PLCL1: variants seen among roughly 807,000 people sequenced by gnomAD.
The protein encoded by PLCL1 is phospholipase C like 1 (inactive).
Under a neutral mutation model 84.4 loss-of-function variants are expected in PLCL1, and 41 were observed. The ratio of observed to expected loss-of-function variants is 0.49; its 90% CI spans 0.38 to 0.63. The LOEUF (loss-of-function observed/expected upper bound fraction) is 0.63, where lower values mean the gene tolerates loss of function less well. Ranked by LOEUF, PLCL1 falls within the 30% of genes least tolerant of loss-of-function variation. The pLI, the probability that PLCL1 is intolerant of heterozygous loss-of-function variation, is 0.00. For missense variants in PLCL1, 1,206 were observed against 1,367.8 expected (o/e 0.88, Z 1.87); for synonymous variants, 490 against 488.3 (o/e 1.00, Z -0.05).
rs1249188341 is a variant in PLCL1 at position 198,063,226 on chromosome 2, T to A, written c.241-20532T>A. Among the ~76,000 whole-genome samples, 3 of 150,320 alleles carry A rather than the reference T, an allele frequency of 2.0e-5. No individual in the cohort carries two copies. The East Asian group carries it at 5.8e-4, about 29-fold the overall frequency. On this transcript the variant is annotated intron_variant, in intron 1 of 5. Transcript: ENST00000428675. ...ATCCTTAAATAAATTTATACACTCA[T>A]ACATATATATTATGCTTGGGTTTAA...
At chr2:197,917,996 A>G (rs1688628402) in intron 1 of PLCL1, among the ~76,000 whole-genome samples, 1 of 152,330 alleles carries the variant, frequency 6.6e-6, no homozygotes, top group South Asian at 2.1e-4. Context: ...TAAAGAGTAC[A>G]GTGTGGAAAG....
At chr2:197,891,491 C>T (rs989412182) in intron 1 of PLCL1, among the ~76,000 whole-genome samples, 4 of 151,456 alleles carry the variant, frequency 2.6e-5, no homozygotes, top group Admixed American at 1.3e-4. Flanking sequence ...AGACATTGGG[C>T]GTGTGAAGGG....
intron 2 of PLCL1, 82 bp from the exon 3 acceptor site, chr2:198,088,776 T>G: frequency 1.2e-6 from 1 of 824,068 alleles, no homozygotes; most frequent in Middle Eastern, 3.0e-4. Context: ...TAAAAATGAA[T>G]GTACTTTTCT....
At chr2:198,000,739 C>CCT (rs574871031) in intron 1 of PLCL1, among the ~76,000 whole-genome samples, 1 of 145,320 alleles carries the variant, frequency 6.9e-6, no homozygotes, top group Admixed American at 6.9e-5. Context: ...CTTTATTTCC[C>CCT]TTTTTTTTTT....
At position 197,834,923 on chromosome 2, in the gene PLCL1, G is replaced by T. The variant is rs182034644; in HGVS notation, c.240+29584G>T. 5.6e-4 allele frequency among the ~76,000 whole-genome samples: 86 copies of T among 152,328 alleles called. 1 individual carries two copies. The highest frequency in any genetic ancestry group is 3.4e-3 in the Middle Eastern group (1 of 294). On this transcript the variant is annotated intron_variant, in intron 1 of 5. Transcript: ENST00000428675. ...CCAAATGTCCATCAATGATAGACTG[G>T]ATCAAGAAAATGTGGCACATGTATA...
chr2:197,863,740 C>T (rs1162335670), intron 1 of PLCL1, among the ~76,000 whole-genome samples: 1 of 152,094 alleles, frequency 6.6e-6, no homozygotes, highest in Non-Finnish European at 1.5e-5. Flanking sequence ...CATTGTGAGA[C>T]CAGGCAGAAT....
chr2:197,962,665 G>A (rs919002884), intron 1 of PLCL1, among the ~76,000 whole-genome samples: 2 of 151,796 alleles, frequency 1.3e-5, no homozygotes, highest in African/African-American at 2.4e-5. Context: ...GCACTCTTTT[G>A]TGCTATCAAA....
At chr2:198,000,591 T>C (rs762799250) in intron 1 of PLCL1, among the ~76,000 whole-genome samples, 6 of 152,208 alleles carry the variant, frequency 3.9e-5, no homozygotes, top group Non-Finnish European at 7.3e-5. Context: ...GTGGGCCTAC[T>C]ATATTATACT....
At chr2:198,024,957 C>A (rs765609908) in intron 1 of PLCL1, among the ~76,000 whole-genome samples, 10 of 151,858 alleles carry the variant, frequency 6.6e-5, no homozygotes, top group Non-Finnish European at 1.3e-4. Context: ...CTCTGTGGTT[C>A]TTTTTTTCCT....
chr2:198,060,803 T>C (rs1692178797), intron 1 of PLCL1, among the ~76,000 whole-genome samples: 1 of 152,196 alleles, frequency 6.6e-6, no homozygotes, highest in Admixed American at 6.5e-5. Flanking sequence ...AAAATAGTGG[T>C]AGATGTCATC....
At position 197,961,128 on chromosome 2, in the gene PLCL1, C is replaced by A. The variant is rs148032635; in HGVS notation, c.241-122630C>A. Among the ~76,000 whole-genome samples, 410 of 151,994 alleles carry A rather than the reference C, an allele frequency of 2.7e-3. 3 individuals carry two copies. Among genetic ancestry groups the A allele is most frequent in the African/African-American group, 9.4e-3 (390 of 41,492 alleles). On this transcript the variant is annotated intron_variant, in intron 1 of 5. Transcript: ENST00000428675. ...GCCATATTCCATTTCAGTAGAAATG[C>A]TTTTCCCTTTCCCATAGTGTGTATT...
chr2:198,039,000 G>C (rs954493530), intron 1 of PLCL1, among the ~76,000 whole-genome samples: 1 of 152,048 alleles, frequency 6.6e-6, no homozygotes, highest in Non-Finnish European at 1.5e-5. Context: ...GTGCAATATT[G>C]CTTTTTTGAA....
chr2:197,923,110 C>T lies in PLCL1; in HGVS notation c.240+117771C>T, dbSNP rs867607697. On this transcript the variant is annotated intron_variant, in intron 1 of 5. Transcript: ENST00000428675. ...CCCCCCACCTCCCTACCGGACGGGGCGGCTGGCCAGGCTGAGGGGCTCCTC... is the reference window on the plus strand; with the variant it reads ...CCCCCCACCTCCCTACCGGACGGGGTGGCTGGCCAGGCTGAGGGGCTCCTC... Among the ~76,000 whole-genome samples the T allele has an allele frequency of 2.1e-3, 274 of 129,256 alleles. 3 individuals are homozygous for T. Among genetic ancestry groups the T allele is most frequent in the African/African-American group, 7.4e-3 (249 of 33,696 alleles). 84.8% of individuals were successfully genotyped at this position (129,256 alleles called of 152,430 possible).
chr2:197,841,735 G>C (rs1687007321), intron 1 of PLCL1, among the ~76,000 whole-genome samples: 1 of 152,204 alleles, frequency 6.6e-6, no homozygotes, highest in Admixed American at 6.5e-5. Context: ...ATATCAAGAA[G>C]TATAATTGCT....
At chr2:197,931,167 A>G (rs1043492711) in intron 1 of PLCL1, among the ~76,000 whole-genome samples, 1 of 152,178 alleles carries the variant, frequency 6.6e-6, no homozygotes, top group Admixed American at 6.6e-5. Context: ...GGTGTCTCGG[A>G]AGGGAAGATA....
intron 1 of PLCL1, among the ~76,000 whole-genome samples, chr2:198,025,255 T>A (rs886597881): frequency 6.6e-6 from 1 of 152,090 alleles, no homozygotes; most frequent in East Asian, 1.9e-4. Context: ...TTATTTCTTT[T>A]TAAAAGCATA....
At chr2:197,900,654 T>C (rs1291297968) in intron 1 of PLCL1, among the ~76,000 whole-genome samples, 1 of 152,252 alleles carries the variant, frequency 6.6e-6, no homozygotes, top group East Asian at 1.9e-4. Context: ...CTCATTTCAG[T>C]TTTTATTACT....
At position 198,117,337 on chromosome 2, in the gene PLCL1, T is replaced by C. The variant is rs200679275; in HGVS notation, c.3105+13401T>C. On this transcript the variant is annotated intron_variant, in intron 5 of 5. Coordinates refer to ENST00000428675, the MANE Select transcript of PLCL1 (RefSeq NM_006226.4). ...TATCAGTCATTTTCTGTTTTTTTTT[T>C]CTTTTTTTTTTTCAGATTCAATTGG... Among the ~76,000 whole-genome samples the C allele has an allele frequency of 1.3e-3, 68 of 52,788 alleles. No individual in the cohort carries two copies. In the South Asian group the frequency reaches 0.033, roughly 25 times the overall value. The allele number at this position is 52,788 out of a possible 152,430, so 34.6% of individuals were successfully genotyped here. A position where few individuals can be genotyped will look rare whatever the true frequency, so the allele number is the denominator to read the frequency against.
chr2:197,975,489 T>C (rs1398703588), intron 1 of PLCL1, among the ~76,000 whole-genome samples: 2 of 152,080 alleles, frequency 1.3e-5, no homozygotes, highest in Non-Finnish European at 1.5e-5. Context: ...AAAAACCCAA[T>C]TGGCTATCAT....
Sources: gnomAD v4.1 joint callset for allele counts (sites outside exome capture counted in the v4.1 genomes callset) on GRCh38, gnomAD v4.1.1 for gene constraint, MANE v1.5 for transcripts, NCBI Gene and HGNC (gene_info 2026-07-23, HGNC 2026-07-21) for gene names.